AMZ2: variants seen among roughly 807,000 people sequenced by gnomAD.
AMZ2 encodes the protein archaemetzincin-2.
AMZ2 carries 26 observed loss-of-function variants against 36.7 expected under a neutral mutation model. The ratio of observed to expected loss-of-function variants is 0.71; its 90% confidence interval spans 0.52 to 0.98. AMZ2 has a LOEUF of 0.98. AMZ2 is among the 50% of genes least tolerant of loss of function. AMZ2 has a pLI of 0.00. For missense variants in AMZ2, 394 were observed against 430.5 expected (o/e 0.92, Z 0.75); for synonymous variants, 144 against 149.1 (o/e 0.97, Z 0.25).
intron 1 of AMZ2, among the ~76,000 whole-genome samples, chr17:68,208,580 A>G (rs782346992): frequency 1.7e-4 from 26 of 152,178 alleles, no homozygotes; most frequent in Non-Finnish European, 3.4e-4. Context: ...TGATAAGAAT[A>G]AAAGCAGGCT....
chr17:68,207,842 C>T (rs1599243400), intron 1 of AMZ2, among the ~76,000 whole-genome samples: 1 of 151,896 alleles, frequency 6.6e-6, no homozygotes. Flanking sequence ...CCTCAGCTTG[C>T]GGGGGAGGTG....
intron 5 of AMZ2, 126 bp from the exon 6 acceptor site, chr17:68,255,574 G>C: frequency 1.0e-6 from 1 of 966,120 alleles, no homozygotes; most frequent in Non-Finnish European, 1.6e-6. Context: ...GTCTGGACAG[G>C]GTGAAGTTTT....
intron 1 of AMZ2, among the ~76,000 whole-genome samples, chr17:68,238,888 T>G (rs2073846592): frequency 6.6e-6 from 1 of 152,226 alleles, no homozygotes; most frequent in South Asian, 2.1e-4. Flanking sequence ...TTTTTTCATT[T>G]CTGCTAATGG....
chr17:68,226,755 C>A (rs1295470473), intron 1 of AMZ2, among the ~76,000 whole-genome samples: 1 of 152,050 alleles, frequency 6.6e-6, no homozygotes, highest in African/African-American at 2.4e-5. Context: ...ATCATGTGAC[C>A]AAGTCCCCAT....
intron 1 of AMZ2, among the ~76,000 whole-genome samples, chr17:68,216,894 G>A (rs541904850): frequency 6.6e-5 from 10 of 152,166 alleles, no homozygotes; most frequent in South Asian, 2.1e-4. Flanking sequence ...TTAGCCAGGC[G>A]TGGTGGCACG....
intron 1 of AMZ2, among the ~76,000 whole-genome samples, chr17:68,222,612 A>G (rs2073396332): frequency 6.6e-6 from 1 of 152,196 alleles, no homozygotes; most frequent in Non-Finnish European, 1.5e-5. Context: ...CTGCAACTAG[A>G]CGGTCCCATC....
chr17:68,252,408 T>TA, intron 4 of AMZ2, among the ~76,000 whole-genome samples: 1 of 152,374 alleles, frequency 6.6e-6, no homozygotes, highest in South Asian at 2.1e-4. Flanking sequence ...ACTACTTTCT[T>TA]ACTGATTTTG....
At chr17:68,256,352 T>C (rs2074903834) in intron 6 of AMZ2, among the ~76,000 whole-genome samples, 1 of 152,246 alleles carries the variant, frequency 6.6e-6, no homozygotes, top group South Asian at 2.1e-4. Context: ...AACATCAATA[T>C]ACATTCATGT....
chr17:68,224,166 C>A (rs7207774), intron 1 of AMZ2, among the ~76,000 whole-genome samples: 19,376 of 152,226 alleles, frequency 0.13, 1,518 homozygotes, highest in East Asian at 0.29. Flanking sequence ...CGGTCTCGAA[C>A]TCCTGACCTC....
In AMZ2 at chr17:68,207,321, C is replaced by CCCCCG. The variant is rs1337230970; in HGVS notation, c.-67+1085_-67+1086insCCGCC. 2.8e-5 allele frequency: 4 copies of CCCCCG among 143,502 alleles called. 1 individual carries two copies. The highest frequency in any genetic ancestry group is 6.1e-5 in the Non-Finnish European group (4 of 65,528). The allele number at this position is 143,502 out of a possible 1,614,324, so 8.9% of individuals were successfully genotyped here. A position where few individuals can be genotyped will look rare whatever the true frequency, so the allele number is the denominator to read the frequency against. ...GATGCATTTTGTTAAATACCCCCCC[C>CCCCCG]CCACAAAGGCTGCTTTGTATTAAAT... On this transcript the variant is annotated intron_variant, in intron 1 of 7. Coordinates refer to the AMZ2 transcript ENST00000674770.
Position 68,235,334 on chromosome 17 carries a change from G to A in AMZ2, c.-66-13306G>A, listed in dbSNP as rs1424761357. Among the ~76,000 whole-genome samples, 1 of 152,236 alleles carries A rather than the reference G, an allele frequency of 6.6e-6. No homozygotes were observed. Among genetic ancestry groups the A allele is most frequent in the African/African-American group, 2.4e-5 (1 of 41,454 alleles). ...AACAGTTGAAAGGAGCTGTTCCCAT[G>A]TCTTATTTAATTCTCTCATTAAGCC... On this transcript the variant is annotated intron_variant, in intron 1 of 7. Transcript: ENST00000674770. This position sits in a 1 kb window ranked among gnomAD's most constrained non-coding sequence, Gnocchi z 4.2.
chr17:68,218,378 CAG>C (rs1274986244), intron 1 of AMZ2, among the ~76,000 whole-genome samples: 3 of 151,738 alleles, frequency 2.0e-5, no homozygotes, highest in East Asian at 3.9e-4. Context: ...TTTGTAGAGA[CAG>C]AGTCTCACTA....
rs1555742700 is a variant in AMZ2 at position 68,255,893 on chromosome 17, A to G, written c.927+17A>G. On this transcript the variant is annotated intron_variant, in intron 6 of 6. Coordinates refer to ENST00000359904, the MANE Select transcript of AMZ2 (RefSeq NM_016627.5). ...AGATACAAAGTAAGTTGGGGGGTGG[A>G]CAGTCTAAAGAGGGGGAAGTGGTTA... The G allele has an allele frequency of 3.7e-6, 6 of 1,613,236 alleles. No homozygotes were observed. The highest frequency in any genetic ancestry group is 1.3e-5 in the African/African-American group (1 of 74,768).
rs2074740778 is a variant in AMZ2 at position 68,254,451 on chromosome 17, A to G, written c.634A>G (p.Met212Val). The change falls in exon 5 of 7, where the codon ATG becomes GTG. Residue 212 changes from methionine to valine, a missense_variant. Coordinates refer to ENST00000359904, the MANE Select transcript of AMZ2 (RefSeq NM_016627.5). ...CAGGTATGGCAGTGATTTTTATAGC[A>G]TGCACTATAAAGGCAAAGTGAAGAA... ...FARYGSDFYSMHYKGKVKKLK... is the reference protein window; with the variant it reads ...FARYGSDFYSVHYKGKVKKLK... 6.2e-7 allele frequency: 1 copy of G among 1,613,450 alleles called. No individual in the cohort carries two copies. Among genetic ancestry groups the G allele is most frequent in the Non-Finnish European group, 8.5e-7 (1 of 1,179,994 alleles).
At chr17:68,238,557 G>A (rs552725206) in intron 1 of AMZ2, among the ~76,000 whole-genome samples, 1 of 147,604 alleles carries the variant, frequency 6.8e-6, no homozygotes, top group Admixed American at 6.9e-5. Flanking sequence ...TAGAGAGAAA[G>A]AGTGCATATA....
At chr17:68,237,086 A>C (rs1555732773) in intron 1 of AMZ2, among the ~76,000 whole-genome samples, 1 of 152,216 alleles carries the variant, frequency 6.6e-6, no homozygotes, top group Non-Finnish European at 1.5e-5. Context: ...CTTATGTATA[A>C]ACACTAGTGG....
chr17:68,236,782 G>A (rs560825373), intron 1 of AMZ2, among the ~76,000 whole-genome samples: 1 of 151,914 alleles, frequency 6.6e-6, no homozygotes, highest in South Asian at 2.1e-4. Context: ...GTTTCACCAT[G>A]TTGGCCAGGC....
At chr17:68,253,690 A>G (rs561954384) in intron 4 of AMZ2, among the ~76,000 whole-genome samples, 12 of 152,172 alleles carry the variant, frequency 7.9e-5, no homozygotes, top group Admixed American at 4.6e-4. Flanking sequence ...ACCCCTCCAG[A>G]CACACGTGTA....
upstream of AMZ2, chr17:68,247,585 G>C (rs1192303846): frequency 1.0e-4 from 99 of 966,192 alleles, no homozygotes; most frequent in South Asian, 1.1e-3. Flanking sequence ...AATAAAGAAG[G>C]GAAAGTGCTG....
Sources: gnomAD v4.1 joint callset for allele counts (sites outside exome capture counted in the v4.1 genomes callset) on GRCh38, gnomAD v4.1.1 for gene constraint, Gnocchi (gnomAD v3.1) non-coding constraint, MANE v1.5 for transcripts, NCBI Gene and HGNC (gene_info 2026-07-23, HGNC 2026-07-21) for gene names.